The following SIAE variants were observed in gnomAD, a reference collection of about 807,000 sequenced individuals.
The protein encoded by SIAE is sialate O-acetylesterase.
In SIAE, 39 loss-of-function variants were observed where a neutral mutation model predicts 52.6. The ratio of observed to expected loss-of-function variants is 0.74; its 90% CI spans 0.57 to 0.97. The LOEUF (loss-of-function observed/expected upper bound fraction) is 0.97, where lower values mean the gene tolerates loss of function less well. SIAE is among the 50% of genes least tolerant of loss of function. SIAE has a pLI of 0.00. For synonymous variants in SIAE, 233 were observed against 241.4 expected (o/e 0.97, Z 0.32); for missense variants, 592 against 662.1 (o/e 0.89, Z 1.16).
chr11:124,671,764 G>T (rs1002281427), intron 1 of SIAE, among the ~76,000 whole-genome samples: 3 of 151,912 alleles, frequency 2.0e-5, no homozygotes, highest in African/African-American at 7.3e-5. Context: ...TTGATTTCTT[G>T]TTTGTTTGTT....
chr11:124,663,067 C>T (rs1943213464), intron 2 of SIAE, among the ~76,000 whole-genome samples: 1 of 151,932 alleles, frequency 6.6e-6, no homozygotes, highest in Non-Finnish European at 1.5e-5. Context: ...TCACTTGAAC[C>T]CAGGAGGTGG....
intron 7 of SIAE, among the ~76,000 whole-genome samples, chr11:124,644,088 C>G (rs1159001121): frequency 2.6e-5 from 4 of 151,936 alleles, no homozygotes; most frequent in African/African-American, 9.7e-5. Flanking sequence ...CAGAAAGGAG[C>G]CTTGGATATG....
chr11:124,642,445 A>G (rs1024794020), intron 7 of SIAE, among the ~76,000 whole-genome samples: 1 of 152,242 alleles, frequency 6.6e-6, no homozygotes, highest in Non-Finnish European at 1.5e-5. Context: ...GAGAGAATGA[A>G]TAACAAGATA....
chr11:124,670,050 T>G lies in SIAE; in HGVS notation c.68-529A>C, dbSNP rs1191932180. 6.6e-6 allele frequency among the ~76,000 whole-genome samples: 1 copy of G among 152,194 alleles called. No individual in the cohort carries two copies. Among genetic ancestry groups the G allele is most frequent in the Non-Finnish European group, 1.5e-5 (1 of 68,032 alleles). On this transcript the variant is annotated intron_variant, in intron 1 of 9. Coordinates refer to ENST00000263593, the MANE Select transcript of SIAE (RefSeq NM_170601.5). The surrounding 1 kb of genome is among the most constrained non-coding windows in gnomAD (Gnocchi z 4.5). The stretch of plus-strand genomic sequence containing the variant: ...CCTTTTCTATGCCACTAATGCCAAT[T>G]TCCTTCAAATAATGCCCCTTATCAT...
intron 4 of SIAE, among the ~76,000 whole-genome samples, chr11:124,651,547 C>CAA (rs35688416): frequency 1.2e-5 from 1 of 81,594 alleles, no homozygotes; most frequent in African/African-American, 3.1e-5. Flanking sequence ...GACTCCGTCT[C>CAA]AAAAAAAAAA....
chr11:124,669,818 C>T (rs1310076469), intron 1 of SIAE, among the ~76,000 whole-genome samples: 1 of 152,122 alleles, frequency 6.6e-6, no homozygotes, highest in Non-Finnish European at 1.5e-5. Flanking sequence ...TCTTTTTTTG[C>T]TCTTGGGCTT....
intron 5 of SIAE, among the ~76,000 whole-genome samples, chr11:124,649,384 A>G (rs1020809282): frequency 2.6e-5 from 4 of 151,920 alleles, no homozygotes; most frequent in Non-Finnish European, 5.9e-5. Context: ...GCTTTCAGTA[A>G]CCACTAGCTA....
At chr11:124,675,331 C>T, upstream of SIAE, 1 of 1,614,192 alleles carries the variant, frequency 6.2e-7, no homozygotes, top group Non-Finnish European at 8.5e-7. Context: ...TCTTGAAGGG[C>T]TGACACGCGA....
At chr11:124,639,391 T>C (rs1942805556) in intron 8 of SIAE, among the ~76,000 whole-genome samples, 1 of 152,222 alleles carries the variant, frequency 6.6e-6, no homozygotes, top group South Asian at 2.1e-4. Context: ...AAGCACTGAA[T>C]TGCCAGTGTG....
Position 124,639,848 on chromosome 11 carries a change from T to TTAGACAAATCTGAAGATAA in SIAE, c.967_985dup (p.Lys329IlefsTer7). The TTAGACAAATCTGAAGATAA allele has an allele frequency of 1.9e-6, 3 of 1,614,218 alleles. No homozygotes were observed. The South Asian group carries it at 3.3e-5, about 18-fold the overall frequency. ...GGGAAATCCATCGTCTGAGCTCTTC[T>TTAGACAAATCTGAAGATAA]TAGACAAATCTGAAGATAACTAGAA... On this transcript the variant is annotated stop_gained and frameshift_variant, in exon 8 of 10. Coordinates refer to ENST00000263593, the MANE Select transcript of SIAE (RefSeq NM_170601.5). LOFTEE classifies it high-confidence loss of function.
intron 2 of SIAE, among the ~76,000 whole-genome samples, chr11:124,665,193 TCCAA>T (rs1473601884): frequency 6.6e-6 from 1 of 152,218 alleles, no homozygotes; most frequent in Non-Finnish European, 1.5e-5. Context: ...GTGACTGGCT[TCCAA>T]CCAACAGAAA....
rs536665093 is a variant in SIAE, at chr11:124,669,398, C to T, written c.191G>A (p.Gly64Asp). The T allele has an allele frequency of 5.0e-6, 8 of 1,614,192 alleles. No individual in the cohort carries two copies. The East Asian group carries it at 8.9e-5, about 18-fold the overall frequency. The change falls in exon 2 of 10, where the codon GGT (glycine) becomes GAT (aspartate). Residue 64 changes from glycine (G) to aspartate (D), a missense_variant. Physicochemically the swap from Gly to Asp is moderately conservative, Grantham distance 94 (BLOSUM62 -1). Transcript: ENST00000263593. Reference sequence around the variant, plus strand: ...CACTTTCTTCATGATGGTTTCCTGACCTTGGCGCAGGGTCACGGTCACTGT... The same window carrying T: ...CACTTTCTTCATGATGGTTTCCTGATCTTGGCGCAGGGTCACGGTCACTGT... ...GATVTVTLRQ[G>D]QETIMKKVTS... is the part of the protein sequence containing the mutation.
intron 2 of SIAE, among the ~76,000 whole-genome samples, chr11:124,664,643 T>A (rs11824359): frequency 0.11 from 16,402 of 152,112 alleles, 2,833 homozygotes; most frequent in African/African-American, 0.36. Flanking sequence ...TCCCACCTCA[T>A]AATGGGAAGA....
At chr11:124,669,608 T>G in intron 1 of SIAE, 87 bp from the exon 2 acceptor site, 1 of 1,246,060 alleles carries the variant, frequency 8.0e-7, no homozygotes, top group Non-Finnish European at 1.2e-6. Context: ...GAACATACAG[T>G]CTTTATGCAA....
intron 6 of SIAE, 74 bp from the exon 7 acceptor site, chr11:124,647,572 C>T: frequency 1.9e-6 from 3 of 1,560,940 alleles, no homozygotes; most frequent in Non-Finnish European, 1.8e-6. Flanking sequence ...CTCCTCCCTC[C>T]ATCCATGCCC....
At chr11:124,647,563 T>C in intron 6 of SIAE, 65 bp from the exon 7 acceptor site, 1 of 1,587,232 alleles carries the variant, frequency 6.3e-7, no homozygotes, top group Non-Finnish European at 8.6e-7. Flanking sequence ...CACATTACTC[T>C]CCTCCCTCCA....
At chr11:124,649,514 A>G in intron 5 of SIAE, 105 bp downstream of exon 5, 1 of 1,202,688 alleles carries the variant, frequency 8.3e-7, no homozygotes, top group Non-Finnish European at 1.2e-6. Flanking sequence ...TTCAACACAT[A>G]TTGGGACATT....
At chr11:124,644,200 G>A (rs2134359296) in intron 7 of SIAE, among the ~76,000 whole-genome samples, 2 of 152,132 alleles carry the variant, frequency 1.3e-5, no homozygotes, top group South Asian at 4.2e-4. Context: ...AAGCCTCACA[G>A]TAGAATCTCA....
chr11:124,643,084 T>C (rs1047852081), intron 7 of SIAE, among the ~76,000 whole-genome samples: 2 of 152,168 alleles, frequency 1.3e-5, no homozygotes, highest in Admixed American at 6.5e-5. Flanking sequence ...AGATAATAAA[T>C]GTGTGTTGTA....
Sources: allele counts gnomAD v4.1 joint callset (sites outside exome capture counted in the v4.1 genomes callset), GRCh38; gene constraint gnomAD v4.1.1; non-coding constraint Gnocchi (gnomAD v3.1); transcripts MANE v1.5; gene names NCBI Gene and HGNC (gene_info 2026-07-23, HGNC 2026-07-21).